Variants in SIPA1L3 observed in about 807,000 individuals in gnomAD.
SIPA1L3 encodes signal induced proliferation associated 1 like 3, also known as signal-induced proliferation-associated 1-like protein 3.
SIPA1L3 carries 59 observed loss-of-function variants against 150.1 expected under a neutral mutation model. That is an observed-to-expected ratio of 0.39 (90% CI 0.32 to 0.49). The LOEUF (loss-of-function observed/expected upper bound fraction) is 0.49. Among genes scored for constraint, SIPA1L3 ranks in the 20% least tolerant of loss-of-function variants. SIPA1L3 has a pLI of 0.86. For missense variants in SIPA1L3, 2,211 were observed against 2,489.5 expected (o/e 0.89, Z 2.38); for synonymous variants, 1,070 against 1,077.6 (o/e 0.99, Z 0.14).
chr19:37,917,867 T>C (rs1451950555), intron 1 of SIPA1L3, among the ~76,000 whole-genome samples: 1 of 152,068 alleles, frequency 6.6e-6, no homozygotes, highest in African/African-American at 2.4e-5. Flanking sequence ...TAGCTGGGTA[T>C]GGTGGCTTGT....
At chr19:38,165,260 G>T (rs373347977) in intron 15 of SIPA1L3, among the ~76,000 whole-genome samples, 6 of 152,292 alleles carry the variant, frequency 3.9e-5, no homozygotes, top group African/African-American at 1.4e-4. Context: ...GTATTTGGCT[G>T]GAGGCAATAG....
intron 1 of SIPA1L3, among the ~76,000 whole-genome samples, chr19:37,952,827 G>A (rs1465304466): frequency 6.6e-6 from 1 of 152,238 alleles, no homozygotes. Flanking sequence ...TTAAAATACA[G>A]CAGCTCTGTT....
intron 1 of SIPA1L3, among the ~76,000 whole-genome samples, chr19:37,919,727 T>TTG (rs1782832192): frequency 1.4e-5 from 2 of 146,962 alleles, no homozygotes; most frequent in African/African-American, 2.5e-5. Flanking sequence ...TTTTTTTTTT[T>TTG]GAGACAGAGT....
In SIPA1L3 at chr19:38,206,197, G is replaced by T. The variant is rs140621640; in HGVS notation, c.5303G>T (p.Arg1768Leu). The T allele has an allele frequency of 1.1e-5, 17 of 1,560,838 alleles. No individual in the cohort carries two copies. In the East Asian group the frequency reaches 3.9e-4, roughly 35 times the overall value. ...EESQAASEQLRKFAEIFCREK... is the reference protein window; with the variant it reads ...EESQAASEQLLKFAEIFCREK... The stretch of plus-strand genomic sequence containing the variant: ...TCGCAGGCCGCCAGCGAGCAGCTGC[G>T]CAAGTTTGCGGAGATCTTCTGCAGG... The change falls in exon 22 of 22, where the codon CGC becomes CTC. Residue 1768 changes from arginine to leucine, a missense_variant. Arg to Leu is a moderately radical substitution (Grantham distance 102). This residue lies in a region of SIPA1L3 where 63 missense variants were observed against 106.1 expected (regional missense o/e 0.59). Transcript: ENST00000222345.
chr19:37,946,402 G>A (rs1178770287), intron 1 of SIPA1L3, among the ~76,000 whole-genome samples: 3 of 151,960 alleles, frequency 2.0e-5, no homozygotes, highest in African/African-American at 4.8e-5. Flanking sequence ...CAAAGTGTTC[G>A]GATTACAGGC....
In SIPA1L3 at chr19:38,201,844, C is replaced by T; in HGVS notation, c.4985-18C>T. The T allele has an allele frequency of 1.9e-6, 3 of 1,593,062 alleles. No homozygotes were observed. Among genetic ancestry groups the T allele is most frequent in the African/African-American group, 2.7e-5 (2 of 74,464 alleles). On this transcript the variant is annotated intron_variant, in intron 19 of 21. Coordinates refer to ENST00000222345, the MANE Select transcript of SIPA1L3 (RefSeq NM_015073.3). ...GGGAGCCTTGCTGACCCCTCTCCTC[C>T]TCCTCCCTCCCTGGCAGTGCAAAGA...
At chr19:38,178,011 C>G (rs1337422683) in intron 15 of SIPA1L3, among the ~76,000 whole-genome samples, 1 of 151,774 alleles carries the variant, frequency 6.6e-6, no homozygotes, top group Non-Finnish European at 1.5e-5. Flanking sequence ...CTGGCCATTT[C>G]CAACTTTTCC....
chr19:38,068,978 A>G (rs1019574444), intron 2 of SIPA1L3, among the ~76,000 whole-genome samples: 1 of 152,220 alleles, frequency 6.6e-6, no homozygotes, highest in Non-Finnish European at 1.5e-5. Flanking sequence ...AGAGCTCATC[A>G]GTGTTGACCT....
At chr19:38,124,847 C>T (rs1237475419) in intron 9 of SIPA1L3, among the ~76,000 whole-genome samples, 3 of 152,128 alleles carry the variant, frequency 2.0e-5, no homozygotes, top group Admixed American at 1.3e-4. Context: ...CAAAAAAATA[C>T]GAAAACCAGT....
chr19:37,907,722 C>T (rs1045095019), intron 1 of SIPA1L3: 1 of 152,176 alleles, frequency 6.6e-6, no homozygotes, highest in African/African-American at 2.4e-5. Flanking sequence ...TATAATAAAA[C>T]ATTTGGCACA....
intron 9 of SIPA1L3, among the ~76,000 whole-genome samples, chr19:38,121,026 C>T (rs1310505473): frequency 1.3e-5 from 2 of 152,206 alleles, no homozygotes; most frequent in Non-Finnish European, 2.9e-5. Context: ...TCAGTTTCTT[C>T]ATCTGAAAAG....
At chr19:37,986,572 G>C (rs139916996) in intron 1 of SIPA1L3, among the ~76,000 whole-genome samples, 2 of 152,336 alleles carry the variant, frequency 1.3e-5, no homozygotes, top group Admixed American at 6.5e-5. Context: ...AGCGTTGGGG[G>C]CCTGTGTGGT....
chr19:37,957,813 G>C (rs1215960421), intron 1 of SIPA1L3, among the ~76,000 whole-genome samples: 1 of 152,084 alleles, frequency 6.6e-6, no homozygotes, highest in Non-Finnish European at 1.5e-5. Context: ...CTGAGCTCAA[G>C]TGATCCTCTC....
intron 3 of SIPA1L3, among the ~76,000 whole-genome samples, chr19:38,087,970 A>T (rs1352848386): frequency 6.6e-6 from 1 of 152,232 alleles, no homozygotes; most frequent in Non-Finnish European, 1.5e-5. Flanking sequence ...GTGAGCCGAG[A>T]TCGCGCCAAT....
At chr19:38,178,086 G>GGGGT (rs1555794899) in intron 15 of SIPA1L3, among the ~76,000 whole-genome samples, 2 of 130,950 alleles carry the variant, frequency 1.5e-5, no homozygotes, top group Non-Finnish European at 3.3e-5. Flanking sequence ...GCAGGCTTTT[G>GGGGT]GTGTGTGTGT....
In SIPA1L3 at chr19:38,084,312, C is replaced by T. The variant is rs1261891505; in HGVS notation, c.1534+1213C>T. On this transcript the variant is annotated intron_variant, in intron 3 of 21. Transcript: ENST00000222345. Reference sequence around the variant, plus strand: ...TATGCCTAGTGTTTCATTATTGGAACGCTAAGCATGTGGGAGTTATAGCCT... The same window carrying T: ...TATGCCTAGTGTTTCATTATTGGAATGCTAAGCATGTGGGAGTTATAGCCT... Among the ~76,000 whole-genome samples the T allele has an allele frequency of 9.9e-5, 15 of 152,202 alleles. No homozygotes were observed. The East Asian group carries it at 2.1e-3, about 22-fold the overall frequency.
At chr19:37,910,471 G>C (rs1238067075) in intron 1 of SIPA1L3, among the ~76,000 whole-genome samples, 1 of 150,714 alleles carries the variant, frequency 6.6e-6, no homozygotes, top group Non-Finnish European at 1.5e-5. Context: ...TGAGGCTGTA[G>C]TGAGCTGTGA....
intron 4 of SIPA1L3, among the ~76,000 whole-genome samples, chr19:38,099,735 C>G (rs1019188941): frequency 6.6e-6 from 1 of 152,158 alleles, no homozygotes; most frequent in Admixed American, 6.5e-5. Context: ...GTACCCATTT[C>G]ACAAAAGAGC....
At chr19:37,968,293 G>T (rs887548659) in intron 1 of SIPA1L3, among the ~76,000 whole-genome samples, 8 of 151,952 alleles carry the variant, frequency 5.3e-5, no homozygotes, top group African/African-American at 9.7e-5. Context: ...GGAGGGTCTC[G>T]ATTTCCTGAC....
Sources: gnomAD v4.1 joint callset for allele counts (sites outside exome capture counted in the v4.1 genomes callset) on GRCh38, gnomAD v4.1.1 for gene constraint, gnomAD v4.1.1 regional missense constraint, MANE v1.5 for transcripts, NCBI Gene and HGNC (gene_info 2026-07-23, HGNC 2026-07-21) for gene names.